Variants in CADM1 observed in about 807,000 individuals in gnomAD.
CADM1 encodes cell adhesion molecule 1, also known as TSLC-1.
A neutral mutation model predicts 53.1 loss-of-function variants in CADM1; 15 were observed. The observed-to-expected ratio is 0.28, with a 90% CI of 0.19 to 0.44. The LOEUF (loss-of-function observed/expected upper bound fraction) is 0.44, where lower values mean the gene tolerates loss of function less well. Ranked by LOEUF, CADM1 falls within the 20% of genes least tolerant of loss-of-function variation. CADM1 has a pLI of 1.00. For synonymous variants in CADM1, 281 were observed against 243.0 expected (o/e 1.16, Z -1.45); for missense variants, 434 against 611.3 (o/e 0.71, Z 3.06).
At chr11:115,387,375 A>C (rs1190397276) in intron 1 of CADM1, among the ~76,000 whole-genome samples, 1 of 152,268 alleles carries the variant, frequency 6.6e-6, no homozygotes, top group East Asian at 1.9e-4. Flanking sequence ...AAAGATAAAA[A>C]CCTAAAATTG....
chr11:115,282,090 G>A (rs1222151471), intron 1 of CADM1, among the ~76,000 whole-genome samples: 1 of 151,768 alleles, frequency 6.6e-6, no homozygotes, highest in East Asian at 1.9e-4. Flanking sequence ...ATTTTTTTTG[G>A]TAGACTCTTA....
intron 1 of CADM1, among the ~76,000 whole-genome samples, chr11:115,429,612 G>A (rs1206598989): frequency 2.0e-5 from 3 of 151,572 alleles, no homozygotes; most frequent in Non-Finnish European, 2.9e-5. Flanking sequence ...AATAGAAGCC[G>A]AAGTCATTTA....
rs554065336 is a variant in CADM1, at chr11:115,233,407, C to T, written c.425-1917G>A. ...TTTAACAAAAGAAATGGAATGACTTCAACTAGCTGTATCTTTCACATAGTT... is the reference window on the plus strand; with the variant it reads ...TTTAACAAAAGAAATGGAATGACTTTAACTAGCTGTATCTTTCACATAGTT... On this transcript the variant is annotated intron_variant, in intron 3 of 11. Transcript: ENST00000331581. 2.6e-5 allele frequency among the ~76,000 whole-genome samples: 4 copies of T among 152,338 alleles called. No homozygotes were observed. In the South Asian group the frequency reaches 8.3e-4, roughly 32 times the overall value.
chr11:115,178,803 T>C (rs552778964), intron 10 of CADM1, 28 bp from the exon 11 acceptor site: 17 of 1,613,140 alleles, frequency 1.1e-5, no homozygotes, highest in Non-Finnish European at 1.4e-5. Context: ...GGAATAGGGA[T>C]GTAGAGCTTA....
chr11:115,289,472 T>C, intron 1 of CADM1, among the ~76,000 whole-genome samples: 1 of 152,204 alleles, frequency 6.6e-6, no homozygotes, highest in South Asian at 2.1e-4. Context: ...CTGTTTAGTA[T>C]ACCTTTCTGG....
chr11:115,365,263 G>A (rs1049865927), intron 1 of CADM1, among the ~76,000 whole-genome samples: 3 of 150,122 alleles, frequency 2.0e-5, no homozygotes, highest in East Asian at 1.9e-4. Context: ...GTGATTCATT[G>A]TTTCTATCAA....
chr11:115,227,146 AG>A (rs1335114180), intron 5 of CADM1, among the ~76,000 whole-genome samples: 15 of 152,232 alleles, frequency 9.9e-5, no homozygotes, highest in South Asian at 6.2e-4. Context: ...TAGAGTTTAA[AG>A]TATCAATTGG....
chr11:115,214,793 G>T lies in CADM1; in HGVS notation c.822-13C>A, dbSNP rs1196195500. On this transcript the variant is annotated splice_polypyrimidine_tract_variant and intron_variant, in intron 6 of 11. Coordinates refer to ENST00000331581, the MANE Select transcript of CADM1 (RefSeq NM_001301043.2). The stretch of plus-strand genomic sequence containing the variant: ...TACCATCACAGGCCTGCAGGGGGAA[G>T]GGGAGGAAGACAAGTCACATTATCA... The T allele has an allele frequency of 6.2e-7, 1 of 1,613,190 alleles. No homozygotes were observed. Among genetic ancestry groups the T allele is most frequent in the Admixed American group, 1.7e-5 (1 of 59,984 alleles).
intron 4 of CADM1, 69 bp downstream of exon 4, chr11:115,231,284 A>T (rs1034830591): frequency 1.3e-6 from 2 of 1,545,224 alleles, no homozygotes; most frequent in African/African-American, 2.7e-5. Context: ...GTATTTCTCC[A>T]TGATTTTCAC....
intron 1 of CADM1, among the ~76,000 whole-genome samples, chr11:115,438,330 A>G (rs1037305003): frequency 1.3e-5 from 2 of 152,082 alleles, no homozygotes; most frequent in Admixed American, 6.6e-5. Flanking sequence ...CCCAGGATTA[A>G]TTCTGTCTTT....
At chr11:115,278,028 A>C (rs1442840610) in intron 1 of CADM1, among the ~76,000 whole-genome samples, 2 of 151,782 alleles carry the variant, frequency 1.3e-5, no homozygotes, top group African/African-American at 2.4e-5. Context: ...ACCCCTCCCC[A>C]ATCACATTTT....
At chr11:115,254,865 T>G (rs115701803) in intron 1 of CADM1, among the ~76,000 whole-genome samples, 1 of 152,156 alleles carries the variant, frequency 6.6e-6, no homozygotes, top group Non-Finnish European at 1.5e-5. Context: ...TTGCACTGTA[T>G]CTTGTAATCA....
chr11:115,241,587 G>A (rs1007066131), intron 1 of CADM1, among the ~76,000 whole-genome samples: 1 of 149,718 alleles, frequency 6.7e-6, no homozygotes, highest in African/African-American at 2.5e-5. Flanking sequence ...CAGGGCTGAT[G>A]GGGGGATGAA....
At chr11:115,407,979 T>A (rs1947361404) in intron 1 of CADM1, among the ~76,000 whole-genome samples, 1 of 150,508 alleles carries the variant, frequency 6.6e-6, no homozygotes, top group Non-Finnish European at 1.5e-5. Flanking sequence ...GCTCCTTAAT[T>A]ATCAAATTCC....
rs114895996 is a variant in CADM1, at chr11:115,297,091, A to G, written c.125-56671T>C. 4.7e-3 allele frequency among the ~76,000 whole-genome samples: 717 copies of G among 152,332 alleles called. 5 individuals are homozygous for G. The highest frequency in any genetic ancestry group is 0.017 in the African/African-American group (689 of 41,578). On this transcript the variant is annotated intron_variant, in intron 1 of 11. Coordinates refer to ENST00000331581, the MANE Select transcript of CADM1 (RefSeq NM_001301043.2). ...TATAGTACATTCCCCTCCTTGCTAT[A>G]CAGTATTTGGCTTTGAAGAATAAAT... is the stretch of plus-strand genomic sequence containing the variant.
chr11:115,394,127 T>C (rs1277416607), intron 1 of CADM1, among the ~76,000 whole-genome samples: 3 of 152,138 alleles, frequency 2.0e-5, no homozygotes, highest in Admixed American at 6.5e-5. Flanking sequence ...ACTTAACATC[T>C]GCACATGCTC....
At chr11:115,252,007 A>G (rs7127390) in intron 1 of CADM1, among the ~76,000 whole-genome samples, 27,912 of 152,144 alleles carry the variant, frequency 0.18, 2,843 homozygotes, top group South Asian at 0.34. Context: ...GTATCATCTA[A>G]GTGTGGGCTG....
chr11:115,261,282 C>T (rs1942966410), intron 1 of CADM1, among the ~76,000 whole-genome samples: 1 of 152,206 alleles, frequency 6.6e-6, no homozygotes, highest in Non-Finnish European at 1.5e-5. Flanking sequence ...TTCCTGAGCT[C>T]TGATTCTCAT....
chr11:115,178,740 C>T lies in CADM1; in HGVS notation c.1201G>A (p.Val401Met). 1.2e-6 allele frequency: 2 copies of T among 1,613,912 alleles called. No homozygotes were observed. The highest frequency in any genetic ancestry group is 1.6e-4 in the Middle Eastern group (1 of 6,062). ...RAGEEGSIRA[V>M]DHAVIGGVVA... ...ACGCCACCGATCACGGCATGATCCA[C>T]TGCCCTGATCGAGCCTTCTTCACCT... Residue 401 changes from valine to methionine, a missense_variant, in exon 11 of 12, where the codon GTG (valine) becomes ATG (methionine). Transcript: ENST00000331581.
Sources: gnomAD v4.1 joint callset for allele counts (sites outside exome capture counted in the v4.1 genomes callset) on GRCh38, gnomAD v4.1.1 for gene constraint, MANE v1.5 for transcripts, NCBI Gene and HGNC (gene_info 2026-07-23, HGNC 2026-07-21) for gene names.